ADK: variants seen among roughly 807,000 people sequenced by gnomAD.
ADK encodes the protein adenosine kinase, also known as N6,N6-dimethyladenosine kinase.
ADK carries 24 observed loss-of-function variants against 44.7 expected under a neutral mutation model. The ratio of observed to expected loss-of-function variants is 0.54; its 90% confidence interval spans 0.39 to 0.76. The LOEUF is 0.76. ADK is among the 30% of genes least tolerant of loss of function. The pLI is 0.00. For missense variants in ADK, 321 were observed against 425.1 expected, an observed-to-expected ratio of 0.76 and a Z score of 2.15; for synonymous variants, 128 against 142.6, an observed-to-expected ratio of 0.90 and a Z score of 0.73.
chr10:74,288,536 G>A (rs1847280283), intron 3 of ADK, among the ~76,000 whole-genome samples: 1 of 152,092 alleles, frequency 6.6e-6, no homozygotes, highest in African/African-American at 2.4e-5. Context: ...TATAATCCCA[G>A]CTACTCTGGA....
intron 1 of ADK, among the ~76,000 whole-genome samples, chr10:74,184,656 G>A (rs1842683680): frequency 6.6e-6 from 1 of 152,058 alleles, no homozygotes; most frequent in African/African-American, 2.4e-5. Context: ...CTAAAGTGCT[G>A]GGATTATAGG....
chr10:74,480,540 A>C (rs1419793442), intron 6 of ADK, among the ~76,000 whole-genome samples: 2 of 151,926 alleles, frequency 1.3e-5, no homozygotes, highest in African/African-American at 4.8e-5. Context: ...CAGCCTCCCA[A>C]AGTTTTAGGA....
At chr10:74,493,434 A>ATC (rs752518614) in intron 6 of ADK, among the ~76,000 whole-genome samples, 16 of 136,830 alleles carry the variant, frequency 1.2e-4, no homozygotes, top group Non-Finnish European at 1.9e-4. Context: ...GACCTCATCT[A>ATC]TATATATATA....
At chr10:74,610,508 T>C (rs1217947161) in intron 9 of ADK, among the ~76,000 whole-genome samples, 2 of 152,168 alleles carry the variant, frequency 1.3e-5, no homozygotes, top group East Asian at 3.8e-4. Context: ...TGCACAATAA[T>C]ATGAATGTAC....
chr10:74,651,707 A>G (rs916605868), intron 9 of ADK, among the ~76,000 whole-genome samples: 1 of 152,200 alleles, frequency 6.6e-6, no homozygotes, highest in Non-Finnish European at 1.5e-5. Flanking sequence ...CCCACCATCA[A>G]TGTGAGGTCA....
chr10:74,275,379 A>G (rs1846634453), intron 3 of ADK, among the ~76,000 whole-genome samples: 1 of 152,098 alleles, frequency 6.6e-6, no homozygotes, highest in Admixed American at 6.5e-5. Flanking sequence ...AAGCATGTCT[A>G]AGTGCCAGTC....
At chr10:74,332,142 G>A (rs1011331572) in intron 4 of ADK, among the ~76,000 whole-genome samples, 15 of 152,328 alleles carry the variant, frequency 9.8e-5, no homozygotes, top group South Asian at 2.1e-4. Context: ...ATGGCCATGG[G>A]CCACTGTGCC....
chr10:74,355,553 A>T (rs753425096), intron 4 of ADK, among the ~76,000 whole-genome samples: 3 of 152,216 alleles, frequency 2.0e-5, no homozygotes, highest in Non-Finnish European at 4.4e-5. Context: ...TCTGCTAGAA[A>T]TGTAGTCTGT....
At chr10:74,277,111 G>T (rs1432810935) in intron 3 of ADK, among the ~76,000 whole-genome samples, 1 of 151,918 alleles carries the variant, frequency 6.6e-6, no homozygotes, top group Non-Finnish European at 1.5e-5. Flanking sequence ...TAGAGACAGG[G>T]TTTCACCATT....
At chr10:74,695,619 GGTGTGTGTGTGTGT>G (rs749294668) in intron 10 of ADK, among the ~76,000 whole-genome samples, 32 of 90,116 alleles carry the variant, frequency 3.6e-4, no homozygotes, top group African/African-American at 1.3e-3. Flanking sequence ...GTATGTGTGG[GGTGTGTGTGTGTGT>G]GTGTGTGTGT....
intron 5 of ADK, 123 bp downstream of exon 5, chr10:74,394,436 A>T (rs1843441147): frequency 1.1e-6 from 1 of 925,984 alleles, no homozygotes; most frequent in African/African-American, 1.6e-5. Flanking sequence ...ATAAATGCTT[A>T]TTCCTTATAT....
At chr10:74,262,116 C>G (rs1846059513) in intron 3 of ADK, among the ~76,000 whole-genome samples, 2 of 151,832 alleles carry the variant, frequency 1.3e-5, no homozygotes, top group African/African-American at 4.8e-5. Flanking sequence ...GTCAGGAGTT[C>G]AAGACCAGCC....
intron 6 of ADK, among the ~76,000 whole-genome samples, chr10:74,514,917 T>C (rs1297411434): frequency 6.6e-6 from 1 of 152,040 alleles, no homozygotes; most frequent in Non-Finnish European, 1.5e-5. Context: ...CTCTACCTCG[T>C]ATGCTCGAGT....
intron 1 of ADK, among the ~76,000 whole-genome samples, chr10:74,199,080 T>G (rs913379680): frequency 6.6e-6 from 1 of 152,290 alleles, no homozygotes; most frequent in Non-Finnish European, 1.5e-5. Context: ...TTTGGATACA[T>G]AATAAGAGAA....
chr10:74,630,853 C>G (rs1005367613), intron 9 of ADK, among the ~76,000 whole-genome samples: 3 of 152,076 alleles, frequency 2.0e-5, no homozygotes, highest in African/African-American at 7.2e-5. Context: ...TTATAAACTT[C>G]TCAATTCAAA....
chr10:74,688,865 A>G (rs1365645703), intron 10 of ADK, among the ~76,000 whole-genome samples: 1 of 152,212 alleles, frequency 6.6e-6, no homozygotes, highest in Non-Finnish European at 1.5e-5. Context: ...ACAATGAGCC[A>G]TAATCATGCC....
chr10:74,557,756 G>A (rs990855321), intron 7 of ADK, among the ~76,000 whole-genome samples: 1 of 152,174 alleles, frequency 6.6e-6, no homozygotes, highest in African/African-American at 2.4e-5. Flanking sequence ...GAAAGTAGAA[G>A]TTACAGGCAA....
intron 6 of ADK, among the ~76,000 whole-genome samples, chr10:74,423,089 C>T (rs573882523): frequency 2.4e-4 from 37 of 152,116 alleles, no homozygotes; most frequent in Non-Finnish European, 4.4e-4. Context: ...GCTCCAAACA[C>T]GCCGTCCTCA....
chr10:74,669,609 G>A (rs925854503), intron 9 of ADK, among the ~76,000 whole-genome samples: 1 of 152,142 alleles, frequency 6.6e-6, no homozygotes. Context: ...AACATAACCA[G>A]ATTAGGTTAT....
Sources: gnomAD v4.1 joint callset for allele counts (sites outside exome capture counted in the v4.1 genomes callset) on GRCh38, gnomAD v4.1.1 for gene constraint, MANE v1.5 for transcripts, NCBI Gene and HGNC (gene_info 2026-07-23, HGNC 2026-07-21) for gene names.